PLAC1: variants seen among roughly 807,000 people sequenced by gnomAD.
The protein encoded by PLAC1 is placenta-specific protein 1.
For missense variants in PLAC1, 136 were observed against 163.2 expected (o/e 0.83, Z 0.91); for synonymous variants, 68 against 62.1 (o/e 1.09, Z -0.44).
intron 1 of PLAC1, among the ~76,000 whole-genome samples, chrX:134,633,255 TG>T (rs1241355174): frequency 8.9e-6 from 1 of 111,763 alleles, no homozygotes; most frequent in Non-Finnish European, 1.9e-5. Flanking sequence ...GCATGATCAA[TG>T]GTTTTGCTGC....
chrX:134,703,707 T>C (rs2078591172), intron 2 of PLAC1, among the ~76,000 whole-genome samples: 1 of 110,128 alleles, frequency 9.1e-6, no homozygotes, highest in African/African-American at 3.3e-5. Flanking sequence ...ATAATTGATA[T>C]CTCAATAAAG....
At chrX:134,588,003 A>AC (rs1199394671) in intron 2 of PLAC1, among the ~76,000 whole-genome samples, 1 of 111,928 alleles carries the variant, frequency 8.9e-6, no homozygotes, top group Non-Finnish European at 1.9e-5. Context: ...GTACAGTTTT[A>AC]CCCCCACTTA....
rs199631547 is a variant in PLAC1, at chrX:134,696,078, C to CA, written n.174+37356dup. Among the ~76,000 whole-genome samples, 832 of 110,625 alleles carry CA rather than the reference C, an allele frequency of 7.5e-3. 8 individuals are homozygous for CA. The highest frequency in any genetic ancestry group is 0.018 in the African/African-American group (557 of 30,516). The stretch of plus-strand genomic sequence containing the variant: ...ATGCAATATTTGGGATATACTTATA[C>CA]AAAAAAAATCCATTGGTTATCCAAA... On this transcript the variant is annotated intron_variant and non_coding_transcript_variant, in intron 2 of 2. Transcript: ENST00000466797.
At chrX:134,609,454 G>A (rs746604544) in intron 1 of PLAC1, among the ~76,000 whole-genome samples, 14 of 111,808 alleles carry the variant, frequency 1.3e-4, no homozygotes, top group South Asian at 3.8e-4. Flanking sequence ...AATTGTTTGC[G>A]GATTTTTCTT....
intron 1 of PLAC1, among the ~76,000 whole-genome samples, chrX:134,622,925 C>T (rs769454128): frequency 9.0e-6 from 1 of 111,543 alleles, no homozygotes; most frequent in South Asian, 3.8e-4. Context: ...GGAATGTGGC[C>T]CAGCATTTTA....
At chrX:134,756,926 C>G (rs1389769096) in intron 1 of PLAC1, among the ~76,000 whole-genome samples, 1 of 111,067 alleles carries the variant, frequency 9.0e-6, no homozygotes, top group African/African-American at 3.3e-5. Flanking sequence ...GTTGATCTGT[C>G]TATTCAGGCA....
intron 1 of PLAC1, among the ~76,000 whole-genome samples, chrX:134,635,668 G>A (rs1232492151): frequency 2.7e-5 from 3 of 111,127 alleles, no homozygotes; most frequent in Admixed American, 9.6e-5. Context: ...CACCTTATCC[G>A]TGGAAGCTTT....
intron 2 of PLAC1, among the ~76,000 whole-genome samples, chrX:134,582,064 A>G (rs914039160): frequency 8.9e-6 from 1 of 112,391 alleles, no homozygotes; most frequent in South Asian, 3.7e-4. Flanking sequence ...AAGCTGAAAT[A>G]GAATAAGTTC....
intron 1 of PLAC1, among the ~76,000 whole-genome samples, chrX:134,616,998 G>A (rs1319979079): frequency 9.4e-6 from 1 of 106,625 alleles, no homozygotes; most frequent in Admixed American, 1.0e-4. Context: ...TTTTTGGTGG[G>A]GGGGTGGGGA....
chrX:134,745,982 G>A (rs112864529), intron 1 of PLAC1, among the ~76,000 whole-genome samples: 1,643 of 111,578 alleles, frequency 0.015, 29 homozygotes, highest in African/African-American at 0.05. Context: ...TAGTTTCAGA[G>A]GGAGGTAAGT....
At chrX:134,704,220 G>A (rs748684423) in intron 2 of PLAC1, among the ~76,000 whole-genome samples, 2 of 109,638 alleles carry the variant, frequency 1.8e-5, no homozygotes, top group African/African-American at 3.3e-5. Flanking sequence ...TAGGCTGGGC[G>A]TGGTGGCTTA....
intron 2 of PLAC1, among the ~76,000 whole-genome samples, chrX:134,589,303 A>T (rs867000884): frequency 9.5e-6 from 1 of 105,783 alleles, no homozygotes; most frequent in Non-Finnish European, 1.9e-5. Context: ...AAATGGTTCC[A>T]TCAACCCCTG....
chrX:134,640,653 T>C (rs1293327392), intron 1 of PLAC1, among the ~76,000 whole-genome samples: 2 of 111,957 alleles, frequency 1.8e-5, no homozygotes, highest in South Asian at 3.7e-4. Context: ...AGGTGCCAGA[T>C]AGCATAGTAG....
intron 1 of PLAC1, among the ~76,000 whole-genome samples, chrX:134,763,552 A>G (rs1363214872): frequency 1.8e-5 from 2 of 111,307 alleles, no homozygotes; most frequent in Non-Finnish European, 3.8e-5. Flanking sequence ...TGGGCACGAT[A>G]GCTCACGCCT....
chrX:134,610,919 C>T (rs1256754798), intron 1 of PLAC1, among the ~76,000 whole-genome samples: 1 of 111,756 alleles, frequency 8.9e-6, no homozygotes, highest in African/African-American at 3.3e-5. Context: ...CCTCCACCTC[C>T]AAGGCTCAAG....
intron 1 of PLAC1, among the ~76,000 whole-genome samples, chrX:134,622,946 G>A (rs1203481900): frequency 9.0e-6 from 1 of 111,699 alleles, no homozygotes. Flanking sequence ...TCTGTGTGTG[G>A]TAAAAATGTC....
At chrX:134,625,036 TTGGGG>T (rs2124412002) in intron 1 of PLAC1, among the ~76,000 whole-genome samples, 1 of 111,772 alleles carries the variant, frequency 8.9e-6, no homozygotes, top group East Asian at 2.8e-4. Context: ...ACATCGTATT[TTGGGG>T]CATGATCTAT....
upstream of PLAC1, among the ~76,000 whole-genome samples, chrX:134,660,853 G>A (rs2078413959): frequency 8.9e-6 from 1 of 112,169 alleles, no homozygotes; most frequent in Non-Finnish European, 1.9e-5. Flanking sequence ...GTCCTCATGA[G>A]AGGAGTCAGC....
intron 2 of PLAC1, among the ~76,000 whole-genome samples, chrX:134,695,462 T>C (rs1239003439): frequency 8.9e-6 from 1 of 111,845 alleles, no homozygotes; most frequent in Non-Finnish European, 1.9e-5. Flanking sequence ...ATGGAGGAAG[T>C]GATTGTGGTG....
Sources: allele counts gnomAD v4.1 joint callset (sites outside exome capture counted in the v4.1 genomes callset), GRCh38; gene constraint gnomAD v4.1.1; transcripts MANE v1.5; gene names NCBI Gene and HGNC (gene_info 2026-07-23, HGNC 2026-07-21).